The following SAMD5 variants were observed in gnomAD, a reference collection of about 807,000 sequenced individuals.
The protein encoded by SAMD5 is sterile alpha motif domain-containing protein 5.
In SAMD5, 13 loss-of-function variants were observed where a neutral mutation model predicts 11.3. That is an observed-to-expected ratio of 1.15 (90% CI 0.75 to 1.83). SAMD5 has a LOEUF of 1.83. Among genes scored for constraint, SAMD5 ranks in the 40% most tolerant of loss-of-function variants. The pLI is 0.00. For synonymous variants in SAMD5, 129 were observed against 111.3 expected (o/e 1.16, Z -1.00); for missense variants, 255 against 239.1 (o/e 1.07, Z -0.44).
chr6:147,612,235 C>T (rs1053897218), intron 1 of SAMD5, among the ~76,000 whole-genome samples: 19 of 152,092 alleles, frequency 1.2e-4, no homozygotes, highest in African/African-American at 4.3e-4. Flanking sequence ...TGGAGGAACA[C>T]TGTCGGTTGG....
chr6:147,541,308 G>C (rs957431957), intron 1 of SAMD5, among the ~76,000 whole-genome samples: 1 of 152,164 alleles, frequency 6.6e-6, no homozygotes, highest in East Asian at 1.9e-4. Flanking sequence ...CCATATGCAA[G>C]ATTCTTAATT....
intron 1 of SAMD5, among the ~76,000 whole-genome samples, chr6:147,520,783 T>G (rs1788241810): frequency 6.6e-6 from 1 of 152,184 alleles, no homozygotes; most frequent in Admixed American, 6.5e-5. Flanking sequence ...GTGTGCAGTG[T>G]GATGTTTTGA....
the SAMD5 span, among the ~76,000 whole-genome samples, chr6:147,888,460 C>T: frequency 6.6e-6 from 1 of 151,956 alleles, no homozygotes; most frequent in African/African-American, 2.4e-5. Flanking sequence ...TGCATTTGCT[C>T]GTTATTTCAG....
Position 147,567,187 on chromosome 6 carries a change from G to A in SAMD5, c.*2731G>A, listed in dbSNP as rs77989821. On this transcript the variant is annotated 3_prime_UTR_variant, in exon 2 of 2. Transcript: ENST00000367474. ...AAAGATTTCTTGGCATAGGGAAGGC[G>A]TAATGTTAAGGGCTTCTTCCTTACC... 2.8e-4 allele frequency: 280 copies of A among 985,264 alleles called. No individual in the cohort carries two copies. The highest frequency in any genetic ancestry group is 2.8e-3 in the East Asian group (25 of 8,808). The allele number at this position is 985,264 out of a possible 1,614,324, so 61.0% of individuals were successfully genotyped here.
At chr6:147,817,628 T>A in the SAMD5 span, among the ~76,000 whole-genome samples, 538 of 152,350 alleles carry the variant, frequency 3.5e-3, 1 homozygote, top group African/African-American at 0.012. Flanking sequence ...GTAAAAAAGA[T>A]GCAACCCAGA....
the SAMD5 span, among the ~76,000 whole-genome samples, chr6:147,945,023 T>C: frequency 2.0e-5 from 3 of 152,238 alleles, no homozygotes; most frequent in Non-Finnish European, 4.4e-5. Context: ...CAATTGCATC[T>C]AAACTCCATA....
the SAMD5 span, among the ~76,000 whole-genome samples, chr6:147,866,126 G>A: frequency 1.1e-4 from 17 of 149,844 alleles, no homozygotes; most frequent in African/African-American, 3.2e-4. Flanking sequence ...TTTTTTTCCC[G>A]ATAAACTACT....
At chr6:147,951,888 T>C in the SAMD5 span, among the ~76,000 whole-genome samples, 34 of 152,324 alleles carry the variant, frequency 2.2e-4, no homozygotes, top group Admixed American at 1.8e-3. Context: ...ATTAGCATAG[T>C]AATGTTTCAG....
the SAMD5 span, among the ~76,000 whole-genome samples, chr6:147,918,148 T>G: frequency 6.6e-6 from 1 of 152,212 alleles, no homozygotes; most frequent in Non-Finnish European, 1.5e-5. Context: ...ATAAATTGCC[T>G]TGGACAGTAT....
chr6:147,821,447 C>G, the SAMD5 span, among the ~76,000 whole-genome samples: 1 of 152,300 alleles, frequency 6.6e-6, no homozygotes, highest in Non-Finnish European at 1.5e-5. Context: ...CTGAAGGCTA[C>G]GACCAGCAAC....
chr6:147,624,874 TA>T (rs1166742307), intron 1 of SAMD5, among the ~76,000 whole-genome samples: 1 of 95,654 alleles, frequency 1.0e-5, no homozygotes, highest in South Asian at 4.1e-4. Flanking sequence ...CCTATGGAAA[TA>T]AAAAATTAAA....
chr6:147,620,339 G>A (rs767058364), intron 1 of SAMD5, among the ~76,000 whole-genome samples: 13 of 152,144 alleles, frequency 8.5e-5, no homozygotes, highest in South Asian at 2.1e-4. Flanking sequence ...ACTCCCGTAC[G>A]ACCCCTTACC....
At chr6:147,692,239 C>A (rs1791114480) in intron 1 of SAMD5, among the ~76,000 whole-genome samples, 1 of 152,054 alleles carries the variant, frequency 6.6e-6, no homozygotes, top group Non-Finnish European at 1.5e-5. Flanking sequence ...GTATTTCAAC[C>A]CTGCGCAACT....
the SAMD5 span, among the ~76,000 whole-genome samples, chr6:147,810,024 A>G: frequency 5.9e-5 from 9 of 152,192 alleles, no homozygotes; most frequent in Non-Finnish European, 1.2e-4. Flanking sequence ...AAAAGATGAA[A>G]CTGGTGCTTC....
chr6:147,673,714 GA>G (rs1157010199), intron 1 of SAMD5, among the ~76,000 whole-genome samples: 1 of 151,798 alleles, frequency 6.6e-6, no homozygotes, highest in Non-Finnish European at 1.5e-5. Context: ...ATAATTAAAA[GA>G]AAAAATTAAG....
chr6:147,864,153 C>A, the SAMD5 span, among the ~76,000 whole-genome samples: 1 of 152,016 alleles, frequency 6.6e-6, no homozygotes, highest in African/African-American at 2.4e-5. Flanking sequence ...GAGAGGTTTG[C>A]CACCAAACAG....
the SAMD5 span, among the ~76,000 whole-genome samples, chr6:147,912,512 T>C: frequency 6.6e-6 from 1 of 152,226 alleles, no homozygotes; most frequent in African/African-American, 2.4e-5. Flanking sequence ...AAAATCATCT[T>C]AGGTCCATTT....
chr6:147,830,244 T>C, the SAMD5 span, among the ~76,000 whole-genome samples: 2 of 144,610 alleles, frequency 1.4e-5, no homozygotes, highest in Non-Finnish European at 3.0e-5. Context: ...TCTTTCTTTC[T>C]TTCTTTCTTT....
the SAMD5 span, among the ~76,000 whole-genome samples, chr6:147,774,218 C>T: frequency 6.6e-6 from 1 of 152,150 alleles, no homozygotes; most frequent in African/African-American, 2.4e-5. Flanking sequence ...CCAAATGTCC[C>T]ACCTCCTTGT....
Sources: gnomAD v4.1 joint callset for allele counts (sites outside exome capture counted in the v4.1 genomes callset) on GRCh38, gnomAD v4.1.1 for gene constraint, MANE v1.5 for transcripts, NCBI Gene and HGNC (gene_info 2026-07-23, HGNC 2026-07-21) for gene names.